The following LANCL3 variants were observed in gnomAD, a reference collection of about 807,000 sequenced individuals.
LANCL3 encodes LanC like family member 3, also known as lanC-like protein 3.
A neutral mutation model predicts 26.5 loss-of-function variants in LANCL3; 19 were observed. The ratio of observed to expected loss-of-function variants is 0.72; its 90% CI spans 0.50 to 1.05. The LOEUF is 1.05. Ranked by LOEUF, LANCL3 falls within the 50% of genes least tolerant of loss-of-function variation. The pLI is 0.00. For synonymous variants in LANCL3, 160 were observed against 166.6 expected, an observed-to-expected ratio of 0.96 and a Z score of 0.30; for missense variants, 318 against 362.7, an observed-to-expected ratio of 0.88 and a Z score of 1.00.
In LANCL3 at chrX:37,679,337, G is replaced by A. The variant is rs782544616; in HGVS notation, c.*3524G>A. On this transcript the variant is annotated 3_prime_UTR_variant, in exon 5 of 5. Coordinates refer to ENST00000378619, the MANE Select transcript of LANCL3 (RefSeq NM_001170331.2). ...GGGTCACTAGATGGATAAAAACCAA[G>A]TGTACATTTTTTTATATTCTACCAC... The A allele has an allele frequency of 7.2e-5, 8 of 111,767 alleles. No homozygotes were observed. In the South Asian group the frequency reaches 3.0e-3, roughly 42 times the overall value. 9.2% of individuals were successfully genotyped at this position (111,767 alleles called of 1,213,427 possible).
At position 37,572,346 on chromosome X, in the gene LANCL3, C is replaced by G. The variant is rs1231481907; in HGVS notation, c.476C>G (p.Pro159Arg). The G allele has an allele frequency of 6.3e-5, 73 of 1,164,755 alleles. No homozygotes were observed. The highest frequency in any genetic ancestry group is 8.3e-5 in the Non-Finnish European group (72 of 872,561). The change falls in exon 1 of 5, where the codon CCG becomes CGG. Residue 159 changes from proline to arginine, a missense_variant. Coordinates refer to ENST00000378619, the MANE Select transcript of LANCL3 (RefSeq NM_001170331.2). ...CGGGCTCTGTGTGCCGTCTGCGCGC[C>G]GGTCTCCTTCCTGGAGTGCGGCTCC... ...KFRALCAVCA[P>R]VSFLECGSDE... is the part of the protein sequence containing the mutation.
chrX:37,638,627 T>C (rs1925774061), intron 1 of LANCL3, among the ~76,000 whole-genome samples: 1 of 111,932 alleles, frequency 8.9e-6, no homozygotes, highest in East Asian at 2.8e-4. Context: ...TTTGCTTTTT[T>C]ATAAAAAAAA....
intron 1 of LANCL3, among the ~76,000 whole-genome samples, chrX:37,623,476 T>A: frequency 8.9e-6 from 1 of 112,066 alleles, no homozygotes; most frequent in Non-Finnish European, 1.9e-5. Context: ...TGAAATTCAA[T>A]AGTCCTTGAA....
At chrX:37,587,734 T>C (rs1924145912) in intron 1 of LANCL3, among the ~76,000 whole-genome samples, 1 of 112,573 alleles carries the variant, frequency 8.9e-6, no homozygotes, top group African/African-American at 3.2e-5. Context: ...CCATGACCCT[T>C]TGTGCTTCCC....
chrX:37,676,108 G>C lies in LANCL3; in HGVS notation c.*295G>C, dbSNP rs1204427129. 1.2e-5 allele frequency: 2 copies of C among 173,084 alleles called. No individual in the cohort carries two copies. The highest frequency in any genetic ancestry group is 2.2e-5 in the Non-Finnish European group (2 of 92,805). 14.3% of individuals were successfully genotyped at this position (173,084 alleles called of 1,213,427 possible). On this transcript the variant is annotated 3_prime_UTR_variant, in exon 5 of 5. Coordinates refer to ENST00000378619, the MANE Select transcript of LANCL3 (RefSeq NM_001170331.2). Reference sequence around the variant, plus strand: ...TGATCTGTTTTTCAGTTATGACATAGAAAACCAAACTGCAAGTGTAGACTA... The same window carrying C: ...TGATCTGTTTTTCAGTTATGACATACAAAACCAAACTGCAAGTGTAGACTA...
At chrX:37,604,037 C>A (rs782305452) in intron 1 of LANCL3, among the ~76,000 whole-genome samples, 5 of 112,829 alleles carry the variant, frequency 4.4e-5, no homozygotes, top group African/African-American at 1.6e-4. Flanking sequence ...GCTACTCTGG[C>A]ATCTGTGCCC....
Position 37,679,509 on chromosome X carries a change from CAAGAA to C in LANCL3, c.*3700_*3704del, listed in dbSNP as rs1556438250. ...ACAAAGGATTACAGTGCCAATAACT[CAAGAA>C]AAGGAGCAGGCAAGCCAGGTCTGTA... On this transcript the variant is annotated 3_prime_UTR_variant, in exon 5 of 5. Coordinates refer to ENST00000378619, the MANE Select transcript of LANCL3 (RefSeq NM_001170331.2). 9.0e-6 allele frequency: 1 copy of C among 111,479 alleles called. No individual in the cohort carries two copies. Among genetic ancestry groups the C allele is most frequent in the African/African-American group, 3.3e-5 (1 of 30,658 alleles). The allele number at this position is 111,479 out of a possible 1,213,427, so 9.2% of individuals were successfully genotyped here. A position where few individuals can be genotyped will look rare whatever the true frequency, so the allele number is the denominator to read the frequency against.
intron 1 of LANCL3, among the ~76,000 whole-genome samples, chrX:37,590,267 A>AT (rs1468697526): frequency 2.7e-5 from 3 of 112,605 alleles, no homozygotes; most frequent in East Asian, 2.8e-4. Flanking sequence ...ACTAATTCAG[A>AT]TTTTCAGAGG....
At chrX:37,615,995 A>G (rs1924995399) in intron 1 of LANCL3, among the ~76,000 whole-genome samples, 2 of 112,342 alleles carry the variant, frequency 1.8e-5, no homozygotes, top group South Asian at 7.4e-4. Context: ...TATTTTCATC[A>G]GTAGCCTTGA....
intron 3 of LANCL3, among the ~76,000 whole-genome samples, chrX:37,663,253 G>A (rs1426308889): frequency 8.9e-6 from 1 of 112,227 alleles, no homozygotes; most frequent in African/African-American, 3.2e-5. Context: ...CATGGAAATA[G>A]GTAATTTTAA....
At chrX:37,586,540 A>G (rs782066401) in intron 1 of LANCL3, among the ~76,000 whole-genome samples, 2 of 111,155 alleles carry the variant, frequency 1.8e-5, no homozygotes, top group Non-Finnish European at 3.8e-5. Flanking sequence ...GCTTTATTGC[A>G]TTCATTTCAT....
At chrX:37,642,678 A>T (rs1556426061) in intron 1 of LANCL3, among the ~76,000 whole-genome samples, 1 of 112,242 alleles carries the variant, frequency 8.9e-6, no homozygotes, top group Admixed American at 9.5e-5. Context: ...GTGAGGCCAC[A>T]TAGCCAACCC....
At chrX:37,639,740 C>T (rs1279183927) in intron 1 of LANCL3, among the ~76,000 whole-genome samples, 1 of 111,586 alleles carries the variant, frequency 9.0e-6, no homozygotes, top group African/African-American at 3.3e-5. Flanking sequence ...CAGCATCACA[C>T]GTGGAGCTTT....
At chrX:37,619,231 A>C (rs1407946275) in intron 1 of LANCL3, among the ~76,000 whole-genome samples, 2 of 112,051 alleles carry the variant, frequency 1.8e-5, no homozygotes, top group Admixed American at 9.5e-5. Context: ...AAATTATCAC[A>C]ATTATTACCA....
At chrX:37,626,867 A>G (rs1556423131) in intron 1 of LANCL3, among the ~76,000 whole-genome samples, 1 of 111,961 alleles carries the variant, frequency 8.9e-6, no homozygotes, top group African/African-American at 3.2e-5. Context: ...AGGAATGTGA[A>G]TTAATAATAA....
chrX:37,610,249 T>C (rs962112913), intron 1 of LANCL3, among the ~76,000 whole-genome samples: 2 of 111,652 alleles, frequency 1.8e-5, no homozygotes, highest in Non-Finnish European at 3.8e-5. Flanking sequence ...TGATTGGGCT[T>C]TTTCATTGCG....
intron 1 of LANCL3, among the ~76,000 whole-genome samples, chrX:37,587,249 C>T (rs1329248629): frequency 1.8e-5 from 2 of 112,701 alleles, no homozygotes; most frequent in Non-Finnish European, 3.8e-5. Flanking sequence ...GGTCAGGGAC[C>T]CACTTGAGGA....
Position 37,611,062 on chromosome X carries a change from G to A in LANCL3, c.573+38619G>A, listed in dbSNP as rs965837125. ...CCCATGGAGACTCTTGATGGATGGT[G>A]TAGAACACATCCAGAGTTGTCCCCT... On this transcript the variant is annotated intron_variant, in intron 1 of 4. Coordinates refer to ENST00000378619, the MANE Select transcript of LANCL3 (RefSeq NM_001170331.2). Among the ~76,000 whole-genome samples the A allele has an allele frequency of 5.4e-5, 6 of 111,604 alleles. No homozygotes were observed. The Admixed American group carries it at 5.7e-4, about 11-fold the overall frequency.
chrX:37,580,447 A>G, intron 1 of LANCL3, among the ~76,000 whole-genome samples: 1 of 111,802 alleles, frequency 8.9e-6, no homozygotes, highest in Admixed American at 9.5e-5. Flanking sequence ...ATATATATTT[A>G]TGGAGTATAA....
Sources: allele counts gnomAD v4.1 joint callset (sites outside exome capture counted in the v4.1 genomes callset), GRCh38; gene constraint gnomAD v4.1.1; transcripts MANE v1.5; gene names NCBI Gene and HGNC (gene_info 2026-07-23, HGNC 2026-07-21).